The following BBS2 variants were observed in gnomAD, a reference collection of about 807,000 sequenced individuals.
BBS2 encodes the protein Bardet-Biedl syndrome 2.
Under a neutral mutation model 83.0 loss-of-function variants are expected in BBS2, and 62 were observed. That is an observed-to-expected ratio of 0.75 (90% CI 0.61 to 0.92). The LOEUF (loss-of-function observed/expected upper bound fraction) is 0.92, where lower values mean the gene tolerates loss of function less well. BBS2 is among the 40% of genes least tolerant of loss of function. The pLI, the probability that BBS2 is intolerant of heterozygous loss-of-function variation, is 0.00. For missense variants in BBS2, 784 were observed against 901.0 expected, an observed-to-expected ratio of 0.87 and a Z score of 1.66; for synonymous variants, 303 against 326.1, an observed-to-expected ratio of 0.93 and a Z score of 0.76.
intron 17 of BBS2, chr16:56,476,235 G>C: frequency 6.3e-7 from 1 of 1,595,664 alleles, no homozygotes; most frequent in Non-Finnish European, 8.5e-7. Flanking sequence ...ACAAAAATGT[G>C]ACCCTTCGTA....
downstream of BBS2, among the ~76,000 whole-genome samples, chr16:56,480,352 C>CAAAAAAAAAAACA (rs1963633055): frequency 1.3e-5 from 1 of 76,592 alleles, no homozygotes; most frequent in African/African-American, 7.2e-5. Context: ...CACACACACA[C>CAAAAAAAAAAACA]AAAAAAAAAA....
At chr16:56,487,442 A>G (rs1963815132) in intron 15 of BBS2, among the ~76,000 whole-genome samples, 1 of 152,208 alleles carries the variant, frequency 6.6e-6, no homozygotes, top group Non-Finnish European at 1.5e-5. Flanking sequence ...CAAACACAAA[A>G]CCATAATTAT....
chr16:56,497,630 CAAA>C, intron 14 of BBS2, 110 bp downstream of exon 14: 1 of 1,468,864 alleles, frequency 6.8e-7, no homozygotes, highest in Non-Finnish European at 9.4e-7. Flanking sequence ...TCAAGAATTG[CAAA>C]AATTCTTGAA....
chr16:56,484,418 T>C lies in BBS2; in HGVS notation c.*343A>G, dbSNP rs1292621088. 1 of 197,502 alleles carries C rather than the reference T, an allele frequency of 5.1e-6. No homozygotes were observed. Among genetic ancestry groups the C allele is most frequent in the African/African-American group, 2.3e-5 (1 of 42,650 alleles). The allele number at this position is 197,502 out of a possible 1,614,324, so 12.2% of individuals were successfully genotyped here. On this transcript the variant is annotated 3_prime_UTR_variant, in exon 17 of 17. Coordinates refer to ENST00000245157, the MANE Select transcript of BBS2 (RefSeq NM_031885.5). ...CTTTACATTTTAATGAAAAAGTAGA[T>C]AATCTATTTGAAAAGTACAAACTCA...
At chr16:56,477,491 C>T (rs538871972) in intron 17 of BBS2, 1 of 152,324 alleles carries the variant, frequency 6.6e-6, no homozygotes, top group East Asian at 1.9e-4. Context: ...ATGATTTTAG[C>T]CTCACGTGTT....
downstream of BBS2, chr16:56,484,307 A>G (rs1963716134): frequency 5.6e-6 from 1 of 178,200 alleles, no homozygotes; most frequent in African/African-American, 2.4e-5. Context: ...CCCAGCCCAC[A>G]TTTTTGTTTT....
Position 56,501,457 on chromosome 16 carries a change from CG to C in BBS2, c.1120del (p.Arg374GlyfsTer3). Reference sequence around the variant, plus strand: ...CCTGGTATTGGCTGGGATTATGCCCCGATGCCCATCAGCCTCGTTCAGTGGA... The same window carrying C: ...CCTGGTATTGGCTGGGATTATGCCCCATGCCCATCAGCCTCGTTCAGTGGA... ...ASPLNEADGHRGIIPANTRLH... is the reference protein window; with the variant it reads ...ASPLNEADGHXGIIPANTRLH... On this transcript the variant is annotated frameshift_variant, in exon 10 of 17. Coordinates refer to ENST00000245157, the MANE Select transcript of BBS2 (RefSeq NM_031885.5). LOFTEE classifies it high-confidence loss of function. 1 of 1,614,096 alleles carries C rather than the reference CG, an allele frequency of 6.2e-7. No individual in the cohort carries two copies. The highest frequency in any genetic ancestry group is 8.5e-7 in the Non-Finnish European group (1 of 1,180,010).
intron 17 of BBS2, among the ~76,000 whole-genome samples, chr16:56,471,943 T>G (rs147652730): frequency 6.7e-6 from 1 of 150,278 alleles, no homozygotes; most frequent in Non-Finnish European, 1.5e-5. Flanking sequence ...TTTAAAAAAC[T>G]TATCCACTTC....
chr16:56,484,031 G>A (rs1294439740), downstream of BBS2, among the ~76,000 whole-genome samples: 26 of 139,316 alleles, frequency 1.9e-4, no homozygotes, highest in African/African-American at 4.3e-4. Context: ...TTTTTTAGAC[G>A]GGAGTCTTGC....
downstream of BBS2, among the ~76,000 whole-genome samples, chr16:56,480,359 A>AAAC (rs375829301): frequency 7.7e-5 from 11 of 142,802 alleles, 2 homozygotes; most frequent in East Asian, 2.0e-4. Flanking sequence ...ACACAAAAAA[A>AAAC]AAAAAACAAA....
At chr16:56,479,770 G>A (rs1469649556), downstream of BBS2, among the ~76,000 whole-genome samples, 1 of 152,206 alleles carries the variant, frequency 6.6e-6, no homozygotes, top group Non-Finnish European at 1.5e-5. Flanking sequence ...CTGTGCCTGG[G>A]CCTGCAACCG....
At chr16:56,510,967 T>C in intron 3 of BBS2, 46 bp from the exon 4 acceptor site, 4 of 1,601,744 alleles carry the variant, frequency 2.5e-6, no homozygotes, top group Non-Finnish European at 3.4e-6. Flanking sequence ...GTTTCTCCAT[T>C]TACTCCAAAT....
intron 1 of BBS2, among the ~76,000 whole-genome samples, chr16:56,519,148 T>A (rs1438440273): frequency 6.6e-6 from 1 of 151,412 alleles, no homozygotes; most frequent in Admixed American, 6.6e-5. Context: ...CTGGCCAACA[T>A]GGTGAAATCC....
At chr16:56,511,124 T>C in intron 3 of BBS2, 35 bp downstream of exon 3, 2 of 1,613,392 alleles carry the variant, frequency 1.2e-6, no homozygotes, top group Non-Finnish European at 1.7e-6. Context: ...TAAAAATGCT[T>C]AAGGGTACCA....
At chr16:56,514,942 A>C (rs1964691110) in intron 1 of BBS2, among the ~76,000 whole-genome samples, 1 of 152,230 alleles carries the variant, frequency 6.6e-6, no homozygotes, top group African/African-American at 2.4e-5. Context: ...AGGCCAGCTT[A>C]CATGCTACCC....
chr16:56,481,507 T>C (rs1963661404), downstream of BBS2, among the ~76,000 whole-genome samples: 1 of 152,144 alleles, frequency 6.6e-6, no homozygotes, highest in South Asian at 2.1e-4. Context: ...CTCTTAAAAA[T>C]CCTCAGAACC....
intron 1 of BBS2, among the ~76,000 whole-genome samples, chr16:56,515,218 G>C (rs1319505782): frequency 6.6e-6 from 1 of 152,128 alleles, no homozygotes; most frequent in Non-Finnish European, 1.5e-5. Context: ...TTATACCAGT[G>C]ACATAGAACT....
chr16:56,474,877 T>C, intron 17 of BBS2: 4 of 1,613,516 alleles, frequency 2.5e-6, no homozygotes, highest in Non-Finnish European at 3.4e-6. Context: ...GGAAGACCGG[T>C]CACTACACTT....
chr16:56,510,802 T>A, intron 4 of BBS2, 57 bp downstream of exon 4: 1 of 1,585,698 alleles, frequency 6.3e-7, no homozygotes, highest in Non-Finnish European at 8.7e-7. Flanking sequence ...AATGTCACTG[T>A]CATGGCAAAA....
Sources: gnomAD v4.1 joint callset for allele counts (sites outside exome capture counted in the v4.1 genomes callset) on GRCh38, gnomAD v4.1.1 for gene constraint, MANE v1.5 for transcripts, NCBI Gene and HGNC (gene_info 2026-07-23, HGNC 2026-07-21) for gene names.